The following BAALC variants were observed in gnomAD, a reference collection of about 807,000 sequenced individuals.
BAALC encodes BAALC binder of MAP3K1 and KLF4, also known as brain and acute leukemia cytoplasmic protein.
In BAALC, 9 loss-of-function variants were observed where a neutral mutation model predicts 15.5. The observed-to-expected ratio is 0.58, with a 90% CI of 0.35 to 1.02. BAALC has a LOEUF of 1.02. Among genes scored for constraint, BAALC ranks in the 50% least tolerant of loss-of-function variants. BAALC has a pLI of 0.02. For synonymous variants in BAALC, 80 were observed against 74.6 expected, an observed-to-expected ratio of 1.07 and a Z score of -0.37; for missense variants, 201 against 192.4, an observed-to-expected ratio of 1.04 and a Z score of -0.27.
Position 103,229,953 on chromosome 8 carries a change from G to C in BAALC, c.*1854G>C, listed in dbSNP as rs1812891855. ...TTGGCAGTGATCCTGCAAGTTCAAG[G>C]GCTCTTTCTCCCTGGGGATGTGCTT... On this transcript the variant is annotated 3_prime_UTR_variant, in exon 3 of 3. Transcript: ENST00000309982. 6.6e-6 allele frequency: 1 copy of C among 152,256 alleles called. No homozygotes were observed. Among genetic ancestry groups the C allele is most frequent in the African/African-American group, 2.4e-5 (1 of 41,550 alleles). The allele number at this position is 152,256 out of a possible 1,614,324, so 9.4% of individuals were successfully genotyped here.
chr8:103,161,303 C>A (rs1454138672), intron 1 of BAALC, among the ~76,000 whole-genome samples: 5 of 151,092 alleles, frequency 3.3e-5, no homozygotes, highest in Non-Finnish European at 7.4e-5. Context: ...AATAAGCAAA[C>A]ATATGCACAC....
Position 103,213,618 on chromosome 8 carries a change from C to A in BAALC, c.327+533C>A, listed in dbSNP as rs16870264. On this transcript the variant is annotated intron_variant, in intron 2 of 2. Transcript: ENST00000309982. ...AGGTCAGTGATGTCCCAGGACGTGG[C>A]GGGTATCCTTTCTTTTCTCCCAGAG... 50 of 153,134 alleles carry A rather than the reference C, an allele frequency of 3.3e-4. 1 individual carries two copies. The highest frequency in any genetic ancestry group is 1.0e-4 in the Non-Finnish European group (7 of 68,458). 9.5% of individuals were successfully genotyped at this position (153,134 alleles called of 1,614,324 possible).
At chr8:103,173,403 T>A (rs927012973) in intron 1 of BAALC, among the ~76,000 whole-genome samples, 1 of 152,226 alleles carries the variant, frequency 6.6e-6, no homozygotes, top group Non-Finnish European at 1.5e-5. Flanking sequence ...ACTTCAAGAC[T>A]ATTGAAGGAA....
At chr8:103,181,250 G>C (rs1811720856) in intron 1 of BAALC, among the ~76,000 whole-genome samples, 1 of 152,064 alleles carries the variant, frequency 6.6e-6, no homozygotes. Context: ...GTCAGGCTGT[G>C]AGCAGGGTGT....
intron 1 of BAALC, among the ~76,000 whole-genome samples, chr8:103,172,392 T>A (rs1811516500): frequency 1.2e-5 from 1 of 81,612 alleles, no homozygotes; most frequent in African/African-American, 3.7e-5. Context: ...TCTGGCTTGC[T>A]TTTTTTTTTT....
rs1271028806 is a variant in BAALC, at chr8:103,168,321, C to T, written c.160+27264C>T. Reference sequence around the variant, plus strand: ...GGTCTAAGGCCTGATCTATTGATTACCCTCATGAAAGGTGAGGTTTTCACT... The same window carrying T: ...GGTCTAAGGCCTGATCTATTGATTATCCTCATGAAAGGTGAGGTTTTCACT... On this transcript the variant is annotated intron_variant, in intron 1 of 2. Transcript: ENST00000309982. Among the ~76,000 whole-genome samples the T allele has an allele frequency of 5.9e-5, 9 of 152,092 alleles. No individual in the cohort carries two copies. In the East Asian group the frequency reaches 1.7e-3, roughly 29 times the overall value.
At chr8:103,166,714 C>T (rs1252175506) in intron 1 of BAALC, among the ~76,000 whole-genome samples, 2 of 152,144 alleles carry the variant, frequency 1.3e-5, no homozygotes, top group South Asian at 4.1e-4. Context: ...CCAATGAACA[C>T]ATTCACTATT....
At chr8:103,184,372 C>T (rs1811789366) in intron 1 of BAALC, among the ~76,000 whole-genome samples, 1 of 152,218 alleles carries the variant, frequency 6.6e-6, no homozygotes, top group South Asian at 2.1e-4. Flanking sequence ...CCTACCATGT[C>T]ACCAGAGTTG....
At chr8:103,176,635 T>C (rs148495302) in intron 1 of BAALC, among the ~76,000 whole-genome samples, 2 of 152,230 alleles carry the variant, frequency 1.3e-5, no homozygotes, top group Admixed American at 1.3e-4. Flanking sequence ...AGGGGAATTG[T>C]CTCTGTGACC....
At chr8:103,200,764 T>C in intron 1 of BAALC, 1 of 690,702 alleles carries the variant, frequency 1.4e-6, no homozygotes, top group South Asian at 1.5e-5. Flanking sequence ...TCTCACATGG[T>C]GGGTCAATGA....
chr8:103,175,446 C>T (rs1287602118), intron 1 of BAALC, among the ~76,000 whole-genome samples: 1 of 152,124 alleles, frequency 6.6e-6, no homozygotes, highest in Non-Finnish European at 1.5e-5. Flanking sequence ...TGTGAGGTTC[C>T]TGACATGATT....
chr8:103,174,190 G>A (rs2129953499), intron 1 of BAALC, among the ~76,000 whole-genome samples: 1 of 151,314 alleles, frequency 6.6e-6, no homozygotes, highest in Middle Eastern at 3.4e-3. Flanking sequence ...CCATCAAGAT[G>A]GAGTTCTCTC....
At chr8:103,226,461 C>T (rs1310413533) in intron 2 of BAALC, among the ~76,000 whole-genome samples, 1 of 152,158 alleles carries the variant, frequency 6.6e-6, no homozygotes, top group Non-Finnish European at 1.5e-5. Context: ...CTCCCTGCAG[C>T]GAGGCAGCAG....
intron 1 of BAALC, among the ~76,000 whole-genome samples, chr8:103,161,473 TC>T (rs1193450773): frequency 6.6e-6 from 1 of 152,204 alleles, no homozygotes; most frequent in African/African-American, 2.4e-5. Context: ...AATTCCTCAT[TC>T]CTTTTTATAG....
At chr8:103,171,383 A>AGAGAGGAAGGAAGGAAG (rs1811487194) in intron 1 of BAALC, among the ~76,000 whole-genome samples, 4 of 111,542 alleles carry the variant, frequency 3.6e-5, no homozygotes, top group African/African-American at 1.3e-4. Context: ...AAGAAAGGCA[A>AGAGAGGAAGGAAGGAAG]GAGAGGAAGG....
chr8:103,144,449 G>A (rs1048285515), intron 1 of BAALC, among the ~76,000 whole-genome samples: 26 of 152,148 alleles, frequency 1.7e-4, no homozygotes, highest in Non-Finnish European at 1.2e-4. Flanking sequence ...TGTTACAGAA[G>A]GAAATTAAAT....
At chr8:103,165,615 A>C (rs1369357048) in intron 1 of BAALC, 1 of 152,210 alleles carries the variant, frequency 6.6e-6, no homozygotes, top group African/African-American at 2.4e-5. Context: ...TTTGTCAGCA[A>C]CAGAACAAAA....
rs142206473 is a variant in BAALC at position 103,223,026 on chromosome 8, G to A, written c.328-4963G>A. On this transcript the variant is annotated intron_variant, in intron 2 of 2. Transcript: ENST00000309982. ...ACTTTTAGTTTTAAAACTTTTTGGCGGGCCGGGCGTGGTGGCTGGCTCACG... is the reference window on the plus strand; with the variant it reads ...ACTTTTAGTTTTAAAACTTTTTGGCAGGCCGGGCGTGGTGGCTGGCTCACG... Among the ~76,000 whole-genome samples, 7 of 152,186 alleles carry A rather than the reference G, an allele frequency of 4.6e-5. No homozygotes were observed. The East Asian group carries it at 5.8e-4, about 13-fold the overall frequency.
At chr8:103,168,511 G>T (rs1027076045) in intron 1 of BAALC, among the ~76,000 whole-genome samples, 142 of 140,620 alleles carry the variant, frequency 1.0e-3, no homozygotes, top group Middle Eastern at 3.5e-3. Context: ...ATATGTGTTT[G>T]TTTTTTTTTT....
Sources: allele counts gnomAD v4.1 joint callset (sites outside exome capture counted in the v4.1 genomes callset), GRCh38; gene constraint gnomAD v4.1.1; transcripts MANE v1.5; gene names NCBI Gene and HGNC (gene_info 2026-07-23, HGNC 2026-07-21).